The following DOK6 variants were observed in gnomAD, a reference collection of about 807,000 sequenced individuals.
DOK6 encodes the protein docking protein 6, also known as downstream of tyrosine kinase 6.
Under a neutral mutation model 44.0 loss-of-function variants are expected in DOK6, and 22 were observed. That is an observed-to-expected ratio of 0.50 (90% CI 0.36 to 0.71). The LOEUF (loss-of-function observed/expected upper bound fraction) is 0.71. Among genes scored for constraint, DOK6 ranks in the 30% least tolerant of loss-of-function variants. DOK6 has a pLI of 0.00. For missense variants in DOK6, 340 were observed against 416.4 expected, an observed-to-expected ratio of 0.82 and a Z score of 1.60; for synonymous variants, 166 against 145.5, an observed-to-expected ratio of 1.14 and a Z score of -1.01.
At chr18:69,677,879 C>T in intron 4 of DOK6, 26 bp downstream of exon 4, 1 of 1,607,718 alleles carries the variant, frequency 6.2e-7, no homozygotes, top group Non-Finnish European at 8.5e-7. Flanking sequence ...CCTTCCATCA[C>T]TTCAGAATAC....
chr18:69,617,715 G>GAAAA (rs1053360701), intron 3 of DOK6, among the ~76,000 whole-genome samples: 3 of 89,200 alleles, frequency 3.4e-5, no homozygotes, highest in Non-Finnish European at 7.9e-5. Context: ...AGAAAAGAAA[G>GAAAA]AAAGAAAGAA....
At chr18:69,835,608 C>CA (rs1982032436) in intron 7 of DOK6, among the ~76,000 whole-genome samples, 1 of 152,226 alleles carries the variant, frequency 6.6e-6, no homozygotes, top group Admixed American at 6.5e-5. Flanking sequence ...TCCATGCTTA[C>CA]ATCTGCAGCC....
chr18:69,734,384 T>C (rs1405358954), intron 5 of DOK6, among the ~76,000 whole-genome samples: 1 of 87,214 alleles, frequency 1.1e-5, no homozygotes, highest in Non-Finnish European at 2.3e-5. Flanking sequence ...ACCAATCTTT[T>C]CATAGCAGCA....
At chr18:69,598,409 G>A (rs1346480395) in intron 2 of DOK6, among the ~76,000 whole-genome samples, 1 of 151,750 alleles carries the variant, frequency 6.6e-6, no homozygotes, top group African/African-American at 2.4e-5. Context: ...TAGTCAAAAG[G>A]TAATGAATTT....
At chr18:69,668,009 T>C (rs1397056391) in intron 3 of DOK6, among the ~76,000 whole-genome samples, 1 of 152,238 alleles carries the variant, frequency 6.6e-6, no homozygotes, top group Non-Finnish European at 1.5e-5. Flanking sequence ...TATTTTCCTC[T>C]AAATCTGCTT....
At chr18:69,421,874 AGCTTCCTCACCTGGAGAACTGG>A (rs11267710) in intron 1 of DOK6, among the ~76,000 whole-genome samples, 77,553 of 151,884 alleles carry the variant, frequency 0.51, 20,364 homozygotes, top group South Asian at 0.68. Context: ...GAGGCATCCC[AGCTTCCTCACCTGGAGAACTGG>A]GCTTCCTCAC....
intron 7 of DOK6, among the ~76,000 whole-genome samples, chr18:69,805,094 G>GATTC (rs756492594): frequency 1.5e-4 from 23 of 152,148 alleles, no homozygotes; most frequent in Non-Finnish European, 3.1e-4. Context: ...ACAAAGGAGA[G>GATTC]ATTCGAAACC....
At chr18:69,610,287 T>G (rs73970195) in intron 3 of DOK6, among the ~76,000 whole-genome samples, 4,228 of 152,124 alleles carry the variant, frequency 0.028, 184 homozygotes, top group African/African-American at 0.097. Context: ...TTTCCTTAGG[T>G]TTTCAAGAAA....
chr18:69,407,493 T>G (rs929017648), intron 1 of DOK6, among the ~76,000 whole-genome samples: 8 of 152,348 alleles, frequency 5.3e-5, no homozygotes, highest in Admixed American at 5.2e-4. Context: ...TTCAAGGTCT[T>G]GTAACTTTGT....
At chr18:69,451,130 G>C (rs941788149) in intron 1 of DOK6, among the ~76,000 whole-genome samples, 1 of 149,522 alleles carries the variant, frequency 6.7e-6, no homozygotes, top group African/African-American at 2.5e-5. Flanking sequence ...CGGATAAAGA[G>C]TCAAGACCCA....
At chr18:69,746,456 A>G (rs1599302251) in intron 6 of DOK6, among the ~76,000 whole-genome samples, 1 of 152,032 alleles carries the variant, frequency 6.6e-6, no homozygotes, top group East Asian at 1.9e-4. Flanking sequence ...GCATTTTGCC[A>G]TGTTTCCCAG....
intron 2 of DOK6, among the ~76,000 whole-genome samples, chr18:69,597,926 T>C (rs1465439382): frequency 6.6e-6 from 1 of 152,194 alleles, no homozygotes; most frequent in African/African-American, 2.4e-5. Context: ...ATAAAGATGA[T>C]CAACTGTAAC....
chr18:69,781,801 A>G (rs570224140), intron 7 of DOK6, among the ~76,000 whole-genome samples: 87 of 152,300 alleles, frequency 5.7e-4, no homozygotes, highest in Non-Finnish European at 1.1e-3. Context: ...ATAAAAATTT[A>G]TCAGGGTAAA....
intron 2 of DOK6, among the ~76,000 whole-genome samples, chr18:69,598,408 G>A (rs771768467): frequency 5.3e-5 from 8 of 151,730 alleles, no homozygotes; most frequent in Non-Finnish European, 1.0e-4. Context: ...ATAGTCAAAA[G>A]GTAATGAATT....
chr18:69,848,454 C>T lies in DOK6; in HGVS notation c.*7071C>T, dbSNP rs548986857. Reference sequence around the variant, plus strand: ...TTCTAGATAAATGATAATTTGGGGACATCTGTACTTAAAAACTAGCTGAAC... The same window carrying T: ...TTCTAGATAAATGATAATTTGGGGATATCTGTACTTAAAAACTAGCTGAAC... On this transcript the variant is annotated 3_prime_UTR_variant, in exon 8 of 8. Transcript: ENST00000382713. 5 of 152,090 alleles carry T rather than the reference C, an allele frequency of 3.3e-5. No homozygotes were observed. The highest frequency in any genetic ancestry group is 1.3e-4 in the Admixed American group (2 of 15,268). 9.4% of individuals were successfully genotyped at this position (152,090 alleles called of 1,614,324 possible).
intron 1 of DOK6, among the ~76,000 whole-genome samples, chr18:69,402,643 A>G (rs534735691): frequency 6.6e-6 from 1 of 152,272 alleles, no homozygotes; most frequent in South Asian, 2.1e-4. Flanking sequence ...CAAGGACAAC[A>G]GGGGCCCATT....
intron 1 of DOK6, among the ~76,000 whole-genome samples, chr18:69,485,824 C>T (rs561707715): frequency 8.6e-5 from 13 of 151,546 alleles, no homozygotes; most frequent in African/African-American, 3.1e-4. Context: ...AGACTTCAGA[C>T]ATTTAAGGCT....
chr18:69,698,261 T>C, intron 4 of DOK6, 143 bp from the exon 5 acceptor site: 1 of 645,300 alleles, frequency 1.5e-6, no homozygotes, highest in Non-Finnish European at 2.5e-6. Flanking sequence ...AAATATGTCA[T>C]GTTCTACAAT....
At chr18:69,434,002 T>A (rs1381083936) in intron 1 of DOK6, among the ~76,000 whole-genome samples, 1 of 152,218 alleles carries the variant, frequency 6.6e-6, no homozygotes, top group Non-Finnish European at 1.5e-5. Context: ...TGATCACACA[T>A]GATTTTTTCC....
Sources: allele counts gnomAD v4.1 joint callset (sites outside exome capture counted in the v4.1 genomes callset), GRCh38; gene constraint gnomAD v4.1.1; transcripts MANE v1.5; gene names NCBI Gene and HGNC (gene_info 2026-07-23, HGNC 2026-07-21).